Variants in TSNARE1 observed in about 807,000 individuals in gnomAD.
The protein encoded by TSNARE1 is t-SNARE domain containing 1, also known as t-SNARE domain-containing protein 1.
Under a neutral mutation model 62.0 loss-of-function variants are expected in TSNARE1, and 49 were observed. That is an observed-to-expected ratio of 0.79 (90% CI 0.63 to 1.00). The LOEUF is 1.00. Ranked by LOEUF, TSNARE1 falls within the 50% of genes least tolerant of loss-of-function variation. TSNARE1 has a pLI of 0.00. For synonymous variants in TSNARE1, 328 were observed against 294.4 expected (o/e 1.11, Z -1.17); for missense variants, 755 against 700.1 (o/e 1.08, Z -0.88).
chr8:142,363,820 G>A (rs1047960181), intron 1 of TSNARE1, among the ~76,000 whole-genome samples: 6 of 152,106 alleles, frequency 3.9e-5, no homozygotes, highest in Admixed American at 6.5e-5. Context: ...TGAAGACCAC[G>A]CACGCCCTCG....
At chr8:142,329,263 G>A (rs1830681012) in intron 6 of TSNARE1, among the ~76,000 whole-genome samples, 1 of 152,212 alleles carries the variant, frequency 6.6e-6, no homozygotes. Flanking sequence ...AGACCTAAGA[G>A]CTAAGGCCGG....
intron 2 of TSNARE1, among the ~76,000 whole-genome samples, chr8:142,352,931 G>A (rs78000032): frequency 0.014 from 2,134 of 152,228 alleles, 53 homozygotes; most frequent in South Asian, 0.076. Flanking sequence ...GCACACACAC[G>A]TACAATCCTG....
In TSNARE1 at chr8:142,284,505, C is replaced by G. The variant is rs781507659; in HGVS notation, c.1291-20G>C. 4.3e-6 allele frequency: 7 copies of G among 1,609,580 alleles called. No individual in the cohort carries two copies. The highest frequency in any genetic ancestry group is 5.1e-6 in the Non-Finnish European group (6 of 1,176,302). On this transcript the variant is annotated intron_variant, in intron 10 of 13. Coordinates refer to ENST00000524325, the MANE Select transcript of TSNARE1 (RefSeq NM_145003.5). The stretch of plus-strand genomic sequence containing the variant: ...GTTGCTCTGTGGAAACAACATAGAA[C>G]CACATCAGGAGCAGGGCTGTGGGGC...
intron 1 of TSNARE1, among the ~76,000 whole-genome samples, chr8:142,392,927 G>T (rs755284446): frequency 6.8e-6 from 1 of 147,626 alleles, no homozygotes; most frequent in Admixed American, 6.8e-5. Context: ...GCGAAACTCC[G>T]TCTCAAAAAA....
chr8:142,217,254 TAATA>T (rs1483972774), intron 13 of TSNARE1, among the ~76,000 whole-genome samples: 1 of 113,250 alleles, frequency 8.8e-6, no homozygotes, highest in East Asian at 2.4e-4. Flanking sequence ...AAAAATAAAA[TAATA>T]AAATAAAATA....
intron 2 of TSNARE1, among the ~76,000 whole-genome samples, chr8:142,349,809 C>T (rs904202481): frequency 6.6e-6 from 1 of 152,198 alleles, no homozygotes; most frequent in Non-Finnish European, 1.5e-5. Flanking sequence ...ACCTCCCCTT[C>T]CCAACCCTGA....
intron 1 of TSNARE1, among the ~76,000 whole-genome samples, chr8:142,380,268 G>A (rs1455977264): frequency 2.0e-5 from 3 of 152,182 alleles, no homozygotes; most frequent in East Asian, 1.9e-4. Flanking sequence ...CTTGCCCTCC[G>A]CAGATGGATG....
chr8:142,364,799 T>C (rs1835414523), intron 1 of TSNARE1, among the ~76,000 whole-genome samples: 2 of 152,160 alleles, frequency 1.3e-5, no homozygotes, highest in South Asian at 2.1e-4. Context: ...TGTAATTCAT[T>C]GAATAAAATA....
At chr8:142,252,469 C>A (rs959141316) in intron 12 of TSNARE1, among the ~76,000 whole-genome samples, 1 of 152,226 alleles carries the variant, frequency 6.6e-6, no homozygotes, top group Non-Finnish European at 1.5e-5. Context: ...TGAGGTGGTG[C>A]TGCCGGCGAC....
intron 3 of TSNARE1, 85 bp downstream of exon 3, chr8:142,345,658 C>T (rs1833251148): frequency 1.4e-6 from 2 of 1,425,360 alleles, no homozygotes; most frequent in African/African-American, 1.5e-5. Context: ...CTGCAGCTCC[C>T]ACCTGCTGAC....
chr8:142,273,073 C>CG lies in TSNARE1; in HGVS notation c.1446+1707dup, dbSNP rs566429567. ...CTTGCCCACCTCCTCTGCAGTGTGT[C>CG]GGGGGGGCGGTGCCTGCTCTGCCAG... On this transcript the variant is annotated intron_variant, in intron 12 of 13. Transcript: ENST00000524325. The CG allele has an allele frequency of 8.3e-4, 822 of 985,284 alleles. 2 individuals are homozygous for CG. The highest frequency in any genetic ancestry group is 9.4e-4 in the Non-Finnish European group (784 of 829,872). The allele number at this position is 985,284 out of a possible 1,614,324, so 61.0% of individuals were successfully genotyped here. A position where few individuals can be genotyped will look rare whatever the true frequency, so the allele number is the denominator to read the frequency against.
At chr8:142,382,961 C>A (rs1350812276) in intron 1 of TSNARE1, among the ~76,000 whole-genome samples, 1 of 152,092 alleles carries the variant, frequency 6.6e-6, no homozygotes, top group Non-Finnish European at 1.5e-5. Context: ...GAAGCACAGC[C>A]CCAGCCGAGC....
At chr8:142,281,693 T>C (rs1007609485) in intron 11 of TSNARE1, among the ~76,000 whole-genome samples, 1 of 151,836 alleles carries the variant, frequency 6.6e-6, no homozygotes, top group Non-Finnish European at 1.5e-5. Context: ...GGCAACCCCA[T>C]AGAGGAAGGG....
chr8:142,223,173 A>ATTCACTC (rs1563756909), intron 13 of TSNARE1, among the ~76,000 whole-genome samples: 19,703 of 31,826 alleles, frequency 0.62, 7,954 homozygotes, highest in South Asian at 0.69. Context: ...CACTCACTCA[A>ATTCACTC]GTATTCACTC....
chr8:142,359,547 G>A (rs576896631), intron 1 of TSNARE1, among the ~76,000 whole-genome samples: 23 of 152,324 alleles, frequency 1.5e-4, no homozygotes, highest in African/African-American at 4.6e-4. Flanking sequence ...CACCGCTCAC[G>A]TCGCTGGATG....
Position 142,223,271 on chromosome 8 carries a change from T to C in TSNARE1, c.*11+6202A>G, listed in dbSNP as rs111215883. Among the ~76,000 whole-genome samples, 267 of 56,560 alleles carry C rather than the reference T, an allele frequency of 4.7e-3. 10 individuals carry two copies. Among genetic ancestry groups the C allele is most frequent in the East Asian group, 0.033 (50 of 1,496 alleles). The allele number at this position is 56,560 out of a possible 152,430, so 37.1% of individuals were successfully genotyped here. On this transcript the variant is annotated intron_variant, in intron 13 of 13. Transcript: ENST00000524325. The stretch of plus-strand genomic sequence containing the variant: ...ACTCACTCATTCACTCACTCACTCA[T>C]TCAGTCACTCACTCATACTCACTCA...
intron 4 of TSNARE1, among the ~76,000 whole-genome samples, chr8:142,334,628 T>C (rs1431853577): frequency 6.6e-6 from 1 of 152,218 alleles, no homozygotes; most frequent in East Asian, 1.9e-4. Context: ...AAATACATAT[T>C]TTTTAAATCC....
chr8:142,273,291 T>C (rs1331012641), intron 12 of TSNARE1: 1 of 985,446 alleles, frequency 1.0e-6, no homozygotes, highest in Non-Finnish European at 1.2e-6. Context: ...GGAGGGGTCA[T>C]CTTGCTGGCT....
At position 142,291,944 on chromosome 8, in the gene TSNARE1, C is replaced by T. The variant is rs1405624407; in HGVS notation, c.1291-7459G>A. On this transcript the variant is annotated intron_variant, in intron 10 of 13. Transcript: ENST00000524325. The surrounding 1 kb of genome is among the most constrained non-coding windows in gnomAD (Gnocchi z 4.8). The stretch of plus-strand genomic sequence containing the variant: ...CGGGGTCAGCTGCCTCTCCCGTGGA[C>T]GGTCACAGCAACGCACGCCCCCCCC... Among the ~76,000 whole-genome samples the T allele has an allele frequency of 2.0e-5, 3 of 152,038 alleles. No homozygotes were observed. The highest frequency in any genetic ancestry group is 7.2e-5 in the African/African-American group (3 of 41,462).
Sources: gnomAD v4.1 joint callset for allele counts (sites outside exome capture counted in the v4.1 genomes callset) on GRCh38, gnomAD v4.1.1 for gene constraint, Gnocchi (gnomAD v3.1) non-coding constraint, MANE v1.5 for transcripts, NCBI Gene and HGNC (gene_info 2026-07-23, HGNC 2026-07-21) for gene names.